The following IDNK variants were observed in gnomAD, a reference collection of about 807,000 sequenced individuals.
The protein encoded by IDNK is IDNK gluconokinase, also known as gluconokinase.
In IDNK, 9 loss-of-function variants were observed where a neutral mutation model predicts 13.0. That is an observed-to-expected ratio of 0.69 (90% CI 0.42 to 1.21). IDNK has a LOEUF of 1.21. Among genes scored for constraint, IDNK ranks in the 50% most tolerant of loss-of-function variants. The probability of loss-of-function intolerance (pLI) is 0.00; values close to 1 mark genes in which losing one functional copy is unlikely to be tolerated. For missense variants in IDNK, 210 were observed against 237.8 expected (o/e 0.88, Z 0.77); for synonymous variants, 92 against 94.9 (o/e 0.97, Z 0.18).
intron 4 of IDNK, 92 bp downstream of exon 4, chr9:83,641,683 C>A: frequency 1.6e-6 from 2 of 1,252,384 alleles, no homozygotes; most frequent in Non-Finnish European, 2.3e-6. Flanking sequence ...CTCCTGAAAT[C>A]ACAACTGACT....
chr9:83,639,999 G>A (rs998689778), intron 3 of IDNK, among the ~76,000 whole-genome samples: 1 of 152,162 alleles, frequency 6.6e-6, no homozygotes, highest in Non-Finnish European at 1.5e-5. Flanking sequence ...CCAAGTTCCT[G>A]ATTCTTTAGC....
intron 1 of IDNK, among the ~76,000 whole-genome samples, chr9:83,623,757 A>C (rs1025120692): frequency 6.6e-6 from 1 of 152,218 alleles, no homozygotes; most frequent in Non-Finnish European, 1.5e-5. Flanking sequence ...GGAAGGAGAC[A>C]GCGTTAATAT....
At chr9:83,626,640 C>A in intron 1 of IDNK, 1 of 1,123,668 alleles carries the variant, frequency 8.9e-7, no homozygotes, top group Non-Finnish European at 1.2e-6. Flanking sequence ...TAGTCCCGAA[C>A]TCCTGGCCTC....
intron 1 of IDNK, 80 bp downstream of exon 1, chr9:83,623,301 C>A: frequency 8.0e-7 from 1 of 1,255,346 alleles, no homozygotes; most frequent in Non-Finnish European, 1.0e-6. Flanking sequence ...CCGTCCCTGC[C>A]GGTGGACTGG....
At chr9:83,630,827 A>G (rs949390196) in intron 3 of IDNK, among the ~76,000 whole-genome samples, 2 of 152,090 alleles carry the variant, frequency 1.3e-5, no homozygotes, top group Non-Finnish European at 2.9e-5. Context: ...AGTGGACTCT[A>G]TGGATTGGGG....
rs368574543 is a variant in IDNK, at chr9:83,643,483, G to A, written c.267G>A (p.Thr89=). 912 of 1,613,702 alleles carry A rather than the reference G, an allele frequency of 5.7e-4. 9 individuals carry two copies. In the South Asian group the frequency reaches 6.6e-3, roughly 12 times the overall value. Residue 89 remains threonine, a synonymous_variant, in exon 5 of 5, where the codon ACG becomes ACA. Coordinates refer to ENST00000376419, the MANE Select transcript of IDNK (RefSeq NM_001001551.4). ...TAGCCTGTTCAGCCCTGAAGAAAAC[G>A]TACAGAGACATATTAACACAAGGAA... is the stretch of plus-strand genomic sequence containing the variant. ...VVLACSALKK[T]YRDILTQGKD...
chr9:83,642,177 G>C (rs967545532), intron 4 of IDNK, among the ~76,000 whole-genome samples: 7 of 152,158 alleles, frequency 4.6e-5, no homozygotes, highest in South Asian at 2.1e-4. Context: ...CAGCACCCAT[G>C]ACCCCAGTGG....
Position 83,643,573 on chromosome 9 carries a change from C to T in IDNK, c.357C>T (p.Leu119=), listed in dbSNP as rs1831375991. Residue 119 remains leucine (L), a synonymous_variant, in exon 5 of 5, where the codon CTC becomes CTT. Coordinates refer to ENST00000376419, the MANE Select transcript of IDNK (RefSeq NM_001001551.4). ...GKEAKQAEMQ[L]LVVHLSGSFE... ...AAGCAAAGCAGGCTGAGATGCAGCTCCTGGTGGTCCATCTGAGCGGGTCGT... is the reference window on the plus strand; with the variant it reads ...AAGCAAAGCAGGCTGAGATGCAGCTTCTGGTGGTCCATCTGAGCGGGTCGT... 1 of 1,613,904 alleles carries T rather than the reference C, an allele frequency of 6.2e-7. No individual in the cohort carries two copies. The highest frequency in any genetic ancestry group is 8.5e-7 in the Non-Finnish European group (1 of 1,179,984).
intron 3 of IDNK, among the ~76,000 whole-genome samples, chr9:83,638,492 AAATAG>A (rs1194806069): frequency 1.3e-5 from 2 of 152,180 alleles, no homozygotes; most frequent in African/African-American, 2.4e-5. Context: ...GAACCCAAGT[AAATAG>A]AATAGGAGAA....
chr9:83,630,814 T>C (rs938256432), intron 3 of IDNK, among the ~76,000 whole-genome samples: 2 of 152,162 alleles, frequency 1.3e-5, no homozygotes, highest in African/African-American at 4.8e-5. Context: ...GTGATGCTTG[T>C]TAAGTGGACT....
intron 3 of IDNK, among the ~76,000 whole-genome samples, chr9:83,639,336 C>A (rs79975320): frequency 0.039 from 5,964 of 152,146 alleles, 396 homozygotes; most frequent in African/African-American, 0.14. Flanking sequence ...CCTCTAAATA[C>A]ATTTTTGGGA....
At chr9:83,631,233 A>T (rs1402673311) in intron 3 of IDNK, among the ~76,000 whole-genome samples, 2 of 151,942 alleles carry the variant, frequency 1.3e-5, no homozygotes, top group African/African-American at 4.8e-5. Context: ...CTTGAGGAAG[A>T]GTCTAGGGAG....
chr9:83,643,917 G>C lies in IDNK; in HGVS notation c.*137G>C. ...AACCCCAATGTGTCAAGACAGACTTGTTTAGGTGTAATTTTAGGAATTATG... is the reference window on the plus strand; with the variant it reads ...AACCCCAATGTGTCAAGACAGACTTCTTTAGGTGTAATTTTAGGAATTATG... On this transcript the variant is annotated 3_prime_UTR_variant, in exon 5 of 5. Coordinates refer to ENST00000376419, the MANE Select transcript of IDNK (RefSeq NM_001001551.4). 1 of 609,434 alleles carries C rather than the reference G, an allele frequency of 1.6e-6. No individual in the cohort carries two copies. The highest frequency in any genetic ancestry group is 2.8e-6 in the Non-Finnish European group (1 of 354,564). 37.8% of individuals were successfully genotyped at this position (609,434 alleles called of 1,614,324 possible). A position where few individuals can be genotyped will look rare whatever the true frequency, so the allele number is the denominator to read the frequency against.
chr9:83,631,548 GGT>G (rs1230114732), intron 3 of IDNK, among the ~76,000 whole-genome samples: 1 of 151,504 alleles, frequency 6.6e-6, no homozygotes, highest in Non-Finnish European at 1.5e-5. Context: ...GGAGTTCGAG[GGT>G]ACAGTGAGCT....
intron 4 of IDNK, among the ~76,000 whole-genome samples, chr9:83,642,006 T>A (rs927428143): frequency 2.0e-5 from 3 of 152,236 alleles, no homozygotes; most frequent in African/African-American, 7.2e-5. Context: ...CCACTTCTGT[T>A]ATTGCCTATC....
At chr9:83,640,794 G>A (rs538367414) in intron 3 of IDNK, among the ~76,000 whole-genome samples, 3 of 152,330 alleles carry the variant, frequency 2.0e-5, no homozygotes, top group South Asian at 2.1e-4. Context: ...GCGGTGAGCC[G>A]AGATCGTGCC....
At chr9:83,637,680 T>C (rs1270674433) in intron 3 of IDNK, among the ~76,000 whole-genome samples, 1 of 152,182 alleles carries the variant, frequency 6.6e-6, no homozygotes, top group Non-Finnish European at 1.5e-5. Flanking sequence ...CCCACATTTT[T>C]TGACTGTATA....
At chr9:83,623,781 T>A (rs1252039803) in intron 1 of IDNK, among the ~76,000 whole-genome samples, 2 of 152,220 alleles carry the variant, frequency 1.3e-5, no homozygotes, top group Non-Finnish European at 2.9e-5. Flanking sequence ...GGGTGGCTCC[T>A]GAGGGTTTGG....
Position 83,623,217 on chromosome 9 carries a change from G to C in IDNK, c.46G>C (p.Gly16Arg). The part of the protein sequence containing the change: ...ALLVMGVSGS[G>R]KSTVGALLAS... ...GCTGGTGATGGGCGTGAGCGGCTCG[G>C]GGAAGTAGGTCCGGGAGAGGGCGGG... Residue 16 changes from glycine (G) to arginine (R), a missense_variant, in exon 1 of 5, where the codon GGG becomes CGG. By Grantham distance (125) the Gly-to-Arg change is moderately radical. Transcript: ENST00000376419. The C allele has an allele frequency of 5.7e-6, 8 of 1,404,196 alleles. No individual in the cohort carries two copies. The highest frequency in any genetic ancestry group is 1.6e-5 in the South Asian group (1 of 61,038). 87.0% of individuals were successfully genotyped at this position (1,404,196 alleles called of 1,614,324 possible). A position where few individuals can be genotyped will look rare whatever the true frequency, so the allele number is the denominator to read the frequency against.
Sources: gnomAD v4.1 joint callset for allele counts (sites outside exome capture counted in the v4.1 genomes callset) on GRCh38, gnomAD v4.1.1 for gene constraint, MANE v1.5 for transcripts, NCBI Gene and HGNC (gene_info 2026-07-23, HGNC 2026-07-21) for gene names.